Variants in BRINP3 observed in about 807,000 individuals in gnomAD.
BRINP3 encodes the protein BMP/retinoic acid inducible neural specific 3, also known as BMP/retinoic acid-inducible neural-specific protein 3.
Under a neutral mutation model 71.0 loss-of-function variants are expected in BRINP3, and 19 were observed. The ratio of observed to expected loss-of-function variants is 0.27; its 90% CI spans 0.19 to 0.39. BRINP3 has a LOEUF of 0.39. Ranked by LOEUF, BRINP3 falls within the 10% of genes least tolerant of loss-of-function variation. The pLI is 1.00. For synonymous variants in BRINP3, 380 were observed against 337.7 expected (o/e 1.13, Z -1.37); for missense variants, 959 against 940.8 (o/e 1.02, Z -0.25).
intron 2 of BRINP3, among the ~76,000 whole-genome samples, chr1:190,372,839 A>G (rs1305488866): frequency 6.6e-6 from 1 of 152,344 alleles, no homozygotes; most frequent in African/African-American, 2.4e-5. Context: ...TAAATGGACA[A>G]AAGTAACAAA....
At chr1:190,185,477 C>T (rs1373488665) in intron 6 of BRINP3, among the ~76,000 whole-genome samples, 3 of 151,998 alleles carry the variant, frequency 2.0e-5, no homozygotes, top group South Asian at 4.2e-4. Flanking sequence ...AGTCACAAAC[C>T]CACATTTTAA....
At chr1:190,264,358 A>C (rs1661465398) in intron 4 of BRINP3, among the ~76,000 whole-genome samples, 1 of 152,150 alleles carries the variant, frequency 6.6e-6, no homozygotes, top group Admixed American at 6.5e-5. Context: ...CCTCCTAGAA[A>C]CCCATATAAC....
chr1:190,216,972 T>C (rs988133894), intron 6 of BRINP3: 1 of 151,976 alleles, frequency 6.6e-6, no homozygotes, highest in African/African-American at 2.4e-5. Flanking sequence ...CTTGCATTTG[T>C]TTAATTTTTC....
chr1:190,362,215 G>A (rs1398178331), intron 2 of BRINP3: 1 of 152,090 alleles, frequency 6.6e-6, no homozygotes, highest in Non-Finnish European at 1.5e-5. Context: ...CACCTAGTCT[G>A]TCACATTTTG....
chr1:190,174,084 T>C (rs1172164058), intron 6 of BRINP3, among the ~76,000 whole-genome samples: 5 of 152,196 alleles, frequency 3.3e-5, no homozygotes, highest in Non-Finnish European at 1.5e-5. Context: ...CTTTGAGAAG[T>C]ACGGCTGCAA....
At chr1:190,107,965 C>T (rs1652329387) in intron 7 of BRINP3, among the ~76,000 whole-genome samples, 1 of 151,776 alleles carries the variant, frequency 6.6e-6, no homozygotes, top group South Asian at 2.1e-4. Context: ...GCCTTCTAGA[C>T]TCTATATTAT....
chr1:190,476,556 C>A (rs1677517038), intron 1 of BRINP3, among the ~76,000 whole-genome samples: 1 of 152,080 alleles, frequency 6.6e-6, no homozygotes, highest in African/African-American at 2.4e-5. Flanking sequence ...TAGAAATGTT[C>A]ATAAAAGCAA....
intron 7 of BRINP3, among the ~76,000 whole-genome samples, chr1:190,130,045 A>T (rs1053326789): frequency 2.6e-5 from 4 of 152,002 alleles, no homozygotes; most frequent in Admixed American, 1.3e-4. Context: ...TTATATATTC[A>T]GGAAAAAATT....
At chr1:190,474,650 TTA>T (rs1677376950) in intron 1 of BRINP3, 1 of 152,376 alleles carries the variant, frequency 6.6e-6, no homozygotes, top group Non-Finnish European at 1.5e-5. Flanking sequence ...AACATGCATC[TTA>T]TCTTCGGAGG....
chr1:190,210,467 T>C (rs1655888460), intron 6 of BRINP3, among the ~76,000 whole-genome samples: 1 of 152,074 alleles, frequency 6.6e-6, no homozygotes, highest in Non-Finnish European at 1.5e-5. Flanking sequence ...ACAAACTATA[T>C]TAGACAAACA....
At chr1:190,332,776 G>A (rs192447384) in intron 2 of BRINP3, among the ~76,000 whole-genome samples, 195 of 152,062 alleles carry the variant, frequency 1.3e-3, no homozygotes, top group African/African-American at 4.5e-3. Context: ...GAACAAATCA[G>A]ATGATCTTTC....
At chr1:190,313,641 T>C (rs1173240155) in intron 2 of BRINP3, among the ~76,000 whole-genome samples, 1 of 152,060 alleles carries the variant, frequency 6.6e-6, no homozygotes, top group Non-Finnish European at 1.5e-5. Context: ...CAATAAGTTC[T>C]GGGCACTCTG....
chr1:190,202,169 T>A (rs1156361583), intron 6 of BRINP3, among the ~76,000 whole-genome samples: 1 of 152,128 alleles, frequency 6.6e-6, no homozygotes, highest in Non-Finnish European at 1.5e-5. Flanking sequence ...CAAACCTTCC[T>A]CTTGTATCAG....
chr1:190,190,127 C>G (rs1015436951), intron 6 of BRINP3, among the ~76,000 whole-genome samples: 2 of 152,092 alleles, frequency 1.3e-5, no homozygotes, highest in African/African-American at 4.8e-5. Flanking sequence ...AAGCCTTCAT[C>G]CTGGGATTAT....
In BRINP3 at chr1:190,228,610, A is replaced by G. The variant is rs556632014; in HGVS notation, c.725-2292T>C. Among the ~76,000 whole-genome samples the G allele has an allele frequency of 2.6e-5, 4 of 152,054 alleles. No homozygotes were observed. In the East Asian group the frequency reaches 7.8e-4, roughly 29 times the overall value. The stretch of plus-strand genomic sequence containing the variant: ...ATACACTGCTAAAAGAAGGAAACTC[A>G]CATTCTGTAAAACCATTATAAAATT... On this transcript the variant is annotated intron_variant, in intron 5 of 7. Transcript: ENST00000367462.
rs1483426049 is a variant in BRINP3, at chr1:190,397,220, A to G, written c.236+57435T>C. Among the ~76,000 whole-genome samples the G allele has an allele frequency of 3.3e-5, 5 of 151,986 alleles. No homozygotes were observed. In the East Asian group the frequency reaches 9.7e-4, roughly 29 times the overall value. On this transcript the variant is annotated intron_variant, in intron 2 of 7. Coordinates refer to ENST00000367462, the MANE Select transcript of BRINP3 (RefSeq NM_199051.3). ...AGTGGGGACTTCTGGCCTTTTGCAT[A>G]CCATTTGCAAGCCATGAAGAATCAA...
intron 6 of BRINP3, among the ~76,000 whole-genome samples, chr1:190,222,918 T>C (rs1169503904): frequency 6.6e-6 from 1 of 151,634 alleles, no homozygotes; most frequent in Non-Finnish European, 1.5e-5. Context: ...ATTGGAAAAC[T>C]TGGAAGAAAT....
Position 190,422,844 on chromosome 1 carries a change from C to G in BRINP3, c.236+31811G>C, listed in dbSNP as rs908836758. Among the ~76,000 whole-genome samples the G allele has an allele frequency of 3.3e-5, 5 of 151,748 alleles. No homozygotes were observed. The Admixed American group carries it at 3.3e-4, about 10-fold the overall frequency. On this transcript the variant is annotated intron_variant, in intron 2 of 7. Coordinates refer to ENST00000367462, the MANE Select transcript of BRINP3 (RefSeq NM_199051.3). ...GAATTAAAATAGTTTTTCCATATTA[C>G]AATCTTCTTTTGACATATATGACTT... is the stretch of plus-strand genomic sequence containing the variant.
chr1:190,147,916 A>C (rs1007123916), intron 7 of BRINP3, among the ~76,000 whole-genome samples: 7 of 152,192 alleles, frequency 4.6e-5, no homozygotes, highest in African/African-American at 1.7e-4. Context: ...TGGATGTATG[A>C]TAGACAAATG....
Sources: allele counts gnomAD v4.1 joint callset (sites outside exome capture counted in the v4.1 genomes callset), GRCh38; gene constraint gnomAD v4.1.1; transcripts MANE v1.5; gene names NCBI Gene and HGNC (gene_info 2026-07-23, HGNC 2026-07-21).